The following SLC9A9 variants were observed in gnomAD, a reference collection of about 807,000 sequenced individuals.
SLC9A9 encodes the protein sodium/hydrogen exchanger 9.
In SLC9A9, 62 loss-of-function variants were observed where a neutral mutation model predicts 77.8. The ratio of observed to expected loss-of-function variants is 0.80; its 90% confidence interval spans 0.65 to 0.98. The LOEUF (loss-of-function observed/expected upper bound fraction) is 0.98, where lower values mean the gene tolerates loss of function less well. Ranked by LOEUF, SLC9A9 falls within the 50% of genes least tolerant of loss-of-function variation. SLC9A9 has a pLI of 0.00. For missense variants in SLC9A9, 775 were observed against 774.9 expected (o/e 1.00, Z 0.00); for synonymous variants, 320 against 283.5 (o/e 1.13, Z -1.29).
intron 4 of SLC9A9, among the ~76,000 whole-genome samples, chr3:143,747,215 C>A (rs982028759): frequency 2.6e-5 from 4 of 151,932 alleles, no homozygotes; most frequent in East Asian, 1.9e-4. Flanking sequence ...ACCAGCCTGG[C>A]CAACATGGTG....
chr3:143,417,319 A>G (rs1175918757), intron 12 of SLC9A9, among the ~76,000 whole-genome samples: 1 of 151,986 alleles, frequency 6.6e-6, no homozygotes, highest in Non-Finnish European at 1.5e-5. Context: ...CTTCCCCCCA[A>G]AGTTTACATG....
At chr3:143,748,569 C>A (rs1439895568) in intron 4 of SLC9A9, among the ~76,000 whole-genome samples, 3 of 152,134 alleles carry the variant, frequency 2.0e-5, no homozygotes, top group Non-Finnish European at 4.4e-5. Context: ...TTCAGCTGAC[C>A]CTTCATGAAC....
intron 11 of SLC9A9, among the ~76,000 whole-genome samples, chr3:143,492,063 C>A (rs997811649): frequency 6.6e-6 from 1 of 151,936 alleles, no homozygotes; most frequent in Non-Finnish European, 1.5e-5. Flanking sequence ...GAGGCCGGGG[C>A]GGGTGGATCA....
intron 9 of SLC9A9, among the ~76,000 whole-genome samples, chr3:143,544,133 A>G (rs1420745654): frequency 6.6e-6 from 1 of 152,078 alleles, no homozygotes; most frequent in African/African-American, 2.4e-5. Flanking sequence ...GATGTTGAGC[A>G]TTTTCTCATA....
chr3:143,378,211 C>T (rs2033224434), intron 13 of SLC9A9, among the ~76,000 whole-genome samples: 1 of 152,164 alleles, frequency 6.6e-6, no homozygotes, highest in Non-Finnish European at 1.5e-5. Context: ...ATTGGTAACT[C>T]CTGAATCCTC....
intron 6 of SLC9A9, among the ~76,000 whole-genome samples, chr3:143,617,998 T>C (rs1172450939): frequency 1.3e-5 from 2 of 152,158 alleles, no homozygotes; most frequent in Non-Finnish European, 2.9e-5. Flanking sequence ...TAAGAGGCTT[T>C]TGAATAAGTC....
At chr3:143,366,108 G>A (rs1459074884) in intron 13 of SLC9A9, among the ~76,000 whole-genome samples, 1 of 152,174 alleles carries the variant, frequency 6.6e-6, no homozygotes, top group East Asian at 1.9e-4. Flanking sequence ...GGTGGGCAGT[G>A]TTGTGGTGAG....
chr3:143,456,343 A>AT (rs541016297), intron 12 of SLC9A9, among the ~76,000 whole-genome samples: 118 of 152,246 alleles, frequency 7.8e-4, no homozygotes, highest in African/African-American at 2.6e-3. Context: ...TATAAAAAAG[A>AT]TTGGACTATA....
At chr3:143,578,547 T>C in intron 7 of SLC9A9, 38 bp downstream of exon 7, 5 of 1,613,512 alleles carry the variant, frequency 3.1e-6, no homozygotes, top group Non-Finnish European at 4.2e-6. Flanking sequence ...CTGACTGTTC[T>C]TGACAGTCCC....
intron 14 of SLC9A9, among the ~76,000 whole-genome samples, chr3:143,302,076 C>T (rs1327611760): frequency 2.6e-5 from 4 of 152,144 alleles, no homozygotes; most frequent in Admixed American, 6.5e-5. Flanking sequence ...TCTTACCTGG[C>T]ACCTCTGCTA....
chr3:143,599,182 A>T (rs149903412), intron 6 of SLC9A9, among the ~76,000 whole-genome samples: 1 of 152,354 alleles, frequency 6.6e-6, no homozygotes, highest in Non-Finnish European at 1.5e-5. Context: ...AAAAGAAATT[A>T]TATTTCCTGT....
chr3:143,805,863 AT>A (rs1244713471), intron 2 of SLC9A9, among the ~76,000 whole-genome samples: 5 of 152,120 alleles, frequency 3.3e-5, no homozygotes, highest in African/African-American at 1.2e-4. Flanking sequence ...CACTCAGGTG[AT>A]TAAAAAGCTT....
chr3:143,756,423 C>A (rs1203297278), intron 4 of SLC9A9, among the ~76,000 whole-genome samples: 1 of 152,106 alleles, frequency 6.6e-6, no homozygotes, highest in Non-Finnish European at 1.5e-5. Flanking sequence ...TTTTAGTGTC[C>A]TTTCTAAAAA....
At chr3:143,433,382 T>G (rs535766038) in intron 12 of SLC9A9, among the ~76,000 whole-genome samples, 2 of 152,206 alleles carry the variant, frequency 1.3e-5, no homozygotes, top group Non-Finnish European at 2.9e-5. Context: ...ACTCTGCTTA[T>G]CTCTTCAGTG....
intron 14 of SLC9A9, among the ~76,000 whole-genome samples, chr3:143,337,622 A>T (rs2031970151): frequency 6.6e-6 from 1 of 152,186 alleles, no homozygotes. Context: ...CTTGGCCTTA[A>T]CCGCAGGCTG....
intron 14 of SLC9A9, among the ~76,000 whole-genome samples, chr3:143,284,589 A>ATAATG (rs1938327018): frequency 6.6e-6 from 1 of 152,008 alleles, no homozygotes; most frequent in Non-Finnish European, 1.5e-5. Flanking sequence ...ATAATATAAT[A>ATAATG]TAATACCAGT....
intron 4 of SLC9A9, among the ~76,000 whole-genome samples, chr3:143,748,259 G>A (rs888472192): frequency 5.3e-5 from 8 of 152,000 alleles, no homozygotes; most frequent in Non-Finnish European, 8.8e-5. Flanking sequence ...GCTCTTATCC[G>A]GGACCCCACA....
chr3:143,705,558 G>A (rs1190153315), intron 4 of SLC9A9, among the ~76,000 whole-genome samples: 4 of 152,062 alleles, frequency 2.6e-5, no homozygotes, highest in Admixed American at 2.6e-4. Context: ...TGAATCACAT[G>A]TAACGCATAA....
At chr3:143,286,250 T>C (rs1393379332) in intron 14 of SLC9A9, among the ~76,000 whole-genome samples, 2 of 152,178 alleles carry the variant, frequency 1.3e-5, no homozygotes, top group Non-Finnish European at 2.9e-5. Context: ...ATGTGTGCTC[T>C]GGAGGCAGTA....
Sources: allele counts gnomAD v4.1 joint callset (sites outside exome capture counted in the v4.1 genomes callset), GRCh38; gene constraint gnomAD v4.1.1; transcripts MANE v1.5; gene names NCBI Gene and HGNC (gene_info 2026-07-23, HGNC 2026-07-21).